CKAP5: variants seen among roughly 807,000 people sequenced by gnomAD.
CKAP5 encodes the protein cytoskeleton-associated protein 5.
CKAP5 carries 27 observed loss-of-function variants against 232.8 expected under a neutral mutation model. The observed-to-expected ratio is 0.12, with a 90% confidence interval of 0.09 to 0.16. The LOEUF (loss-of-function observed/expected upper bound fraction) is 0.16, where lower values mean the gene tolerates loss of function less well. Ranked by LOEUF, CKAP5 falls within the 10% of genes least tolerant of loss-of-function variation. The pLI, the probability that CKAP5 is intolerant of heterozygous loss-of-function variation, is 1.00. For missense variants in CKAP5, 1,838 were observed against 2,424.7 expected (o/e 0.76, Z 5.08); for synonymous variants, 785 against 841.1 (o/e 0.93, Z 1.16).
At chr11:46,815,740 C>T (rs1466699779) in intron 4 of CKAP5, among the ~76,000 whole-genome samples, 4 of 152,152 alleles carry the variant, frequency 2.6e-5, no homozygotes, top group Non-Finnish European at 5.9e-5. Flanking sequence ...AATGACTTTC[C>T]TTATTCAGGT....
intron 5 of CKAP5, among the ~76,000 whole-genome samples, 155 bp downstream of exon 5, chr11:46,810,843 CACCCAAGAG>C (rs1939258826): frequency 6.6e-6 from 1 of 152,148 alleles, no homozygotes; most frequent in South Asian, 2.1e-4. Flanking sequence ...TAAGTTCTGC[CACCCAAGAG>C]AATTGCTGAG....
At chr11:46,831,191 G>A (rs1939783890) in intron 1 of CKAP5, among the ~76,000 whole-genome samples, 1 of 151,958 alleles carries the variant, frequency 6.6e-6, no homozygotes, top group Non-Finnish European at 1.5e-5. Context: ...TTTTAATAAT[G>A]AGCTTCAGCA....
At chr11:46,759,921 A>G (rs1389247869) in intron 33 of CKAP5, among the ~76,000 whole-genome samples, 3 of 152,130 alleles carry the variant, frequency 2.0e-5, no homozygotes, top group Non-Finnish European at 4.4e-5. Context: ...ACCACCAGTC[A>G]CCCCTTTTTA....
intron 5 of CKAP5, 91 bp downstream of exon 5, chr11:46,810,916 T>A: frequency 8.6e-7 from 1 of 1,166,196 alleles, no homozygotes; most frequent in Non-Finnish European, 1.2e-6. Flanking sequence ...GTAAAATAAT[T>A]ATTTTTAAGG....
chr11:46,771,621 T>C (rs2065248430), intron 24 of CKAP5, among the ~76,000 whole-genome samples: 1 of 152,232 alleles, frequency 6.6e-6, no homozygotes, highest in South Asian at 2.1e-4. Flanking sequence ...TGTTTAACCA[T>C]TCACCTACTG....
rs1438623392 is a variant in CKAP5, at chr11:46,790,476, C to T, written c.1758G>A (p.Glu586=). 6.2e-7 allele frequency: 1 copy of T among 1,610,470 alleles called. No individual in the cohort carries two copies. ...TCAGTGTGTTAATACTGACCGAGAG[C>T]TCAGGCTCCACTATTTCTTTAGTCT... ...GLETKEIVEP[E]LSIEVCEEKA... is the part of the protein sequence containing the mutation. Residue 586 remains glutamate, a synonymous_variant, in exon 14 of 44, where the codon GAG becomes GAA. Coordinates refer to ENST00000529230, the MANE Select transcript of CKAP5 (RefSeq NM_001008938.4).
intron 42 of CKAP5, among the ~76,000 whole-genome samples, chr11:46,746,624 A>G (rs1398402427): frequency 2.0e-5 from 3 of 152,218 alleles, no homozygotes; most frequent in Non-Finnish European, 4.4e-5. Context: ...ATGTTGTATA[A>G]AAGATAAATG....
chr11:46,773,859 G>A lies in CKAP5; in HGVS notation c.2991+2396C>T, dbSNP rs918081132. ...CACCCAGCCTCTATTTTTATGTTCT[G>A]ATTAAAACCTCTGATTTTAATTAGA... is the stretch of plus-strand genomic sequence containing the variant. On this transcript the variant is annotated intron_variant, in intron 24 of 43. Coordinates refer to ENST00000529230, the MANE Select transcript of CKAP5 (RefSeq NM_001008938.4). Among the ~76,000 whole-genome samples, 5 of 152,136 alleles carry A rather than the reference G, an allele frequency of 3.3e-5. No homozygotes were observed. In the East Asian group the frequency reaches 7.7e-4, roughly 24 times the overall value.
intron 40 of CKAP5, 48 bp from the exon 41 acceptor site, chr11:46,750,659 A>C: frequency 7.1e-7 from 1 of 1,407,630 alleles, no homozygotes; most frequent in Non-Finnish European, 1.0e-6. Context: ...TTGAGTTATT[A>C]ATTAGGAACT....
At chr11:46,781,222 T>C (rs576977432) in intron 18 of CKAP5, among the ~76,000 whole-genome samples, 1 of 152,340 alleles carries the variant, frequency 6.6e-6, no homozygotes, top group African/African-American at 2.4e-5. Flanking sequence ...CCTTGACTTT[T>C]TGAAGTTATC....
chr11:46,790,051 C>T (rs2134638050), intron 15 of CKAP5, 25 bp downstream of exon 15: 2 of 1,447,998 alleles, frequency 1.4e-6, no homozygotes, highest in Middle Eastern at 1.8e-4. Context: ...TTTTCTTTCA[C>T]ACTCAATTCT....
chr11:46,836,691 C>G (rs367581108), intron 1 of CKAP5, among the ~76,000 whole-genome samples: 113 of 152,350 alleles, frequency 7.4e-4, no homozygotes, highest in Non-Finnish European at 1.1e-3. Context: ...CAAAATGGTA[C>G]AGCCACTCTG....
chr11:46,778,970 C>T (rs1306674384), intron 20 of CKAP5, among the ~76,000 whole-genome samples: 1 of 151,998 alleles, frequency 6.6e-6, no homozygotes, highest in Non-Finnish European at 1.5e-5. Flanking sequence ...AGCTTCCCAG[C>T]TGAGGAGGCT....
At chr11:46,766,276 A>T (rs1277127650) in intron 27 of CKAP5, among the ~76,000 whole-genome samples, 1 of 152,220 alleles carries the variant, frequency 6.6e-6, no homozygotes, top group Non-Finnish European at 1.5e-5. Context: ...TAAGTTTAAA[A>T]AGATTGGGAA....
chr11:46,745,586 T>TA (rs1478930508), intron 42 of CKAP5, among the ~76,000 whole-genome samples: 1 of 152,210 alleles, frequency 6.6e-6, no homozygotes, highest in Non-Finnish European at 1.5e-5. Flanking sequence ...ACATGTGGCA[T>TA]ACTGTTGGAC....
intron 18 of CKAP5, among the ~76,000 whole-genome samples, chr11:46,782,327 A>G (rs1179168252): frequency 6.6e-6 from 1 of 152,244 alleles, no homozygotes; most frequent in Admixed American, 6.5e-5. Flanking sequence ...ATGAAAGATC[A>G]TAACAAAAAA....
chr11:46,843,245 C>T (rs115524213), intron 1 of CKAP5, among the ~76,000 whole-genome samples: 2,818 of 152,224 alleles, frequency 0.019, 88 homozygotes, highest in African/African-American at 0.064. Flanking sequence ...GTAGATGAGT[C>T]AAGATAAAGA....
In CKAP5 at chr11:46,821,574, G is replaced by A. The variant is rs533891306; in HGVS notation, c.-37-306C>T. Among the ~76,000 whole-genome samples the A allele has an allele frequency of 1.4e-4, 21 of 151,984 alleles. No homozygotes were observed. In the South Asian group the frequency reaches 3.7e-3, roughly 27 times the overall value. On this transcript the variant is annotated intron_variant, in intron 1 of 43. Transcript: ENST00000529230. The stretch of plus-strand genomic sequence containing the variant: ...CGAGTAGCCGGGACTACAGGCACCC[G>A]CCACCACGCCCGGCTAATTTTTTTG...
intron 21 of CKAP5, 35 bp downstream of exon 21, chr11:46,778,425 G>C: frequency 6.2e-7 from 1 of 1,611,834 alleles, no homozygotes; most frequent in Non-Finnish European, 8.5e-7. Context: ...TCAATACAAT[G>C]AATGAAATAA....
Sources: gnomAD v4.1 joint callset for allele counts (sites outside exome capture counted in the v4.1 genomes callset) on GRCh38, gnomAD v4.1.1 for gene constraint, MANE v1.5 for transcripts, NCBI Gene and HGNC (gene_info 2026-07-23, HGNC 2026-07-21) for gene names.